The following DNAI4 variants were observed in gnomAD, a reference collection of about 807,000 sequenced individuals.
DNAI4 encodes WD repeat domain 78.
DNAI4 carries 85 observed loss-of-function variants against 105.8 expected under a neutral mutation model. The ratio of observed to expected loss-of-function variants is 0.80; its 90% CI spans 0.67 to 0.96. DNAI4 has a LOEUF of 0.96. Among genes scored for constraint, DNAI4 ranks in the 40% least tolerant of loss-of-function variants. The pLI, the probability that DNAI4 is intolerant of heterozygous loss-of-function variation, is 0.00. For synonymous variants in DNAI4, 352 were observed against 331.5 expected (o/e 1.06, Z -0.67); for missense variants, 1,014 against 1,005.6 (o/e 1.01, Z -0.11).
intron 16 of DNAI4, among the ~76,000 whole-genome samples, chr1:66,820,083 A>T (rs1274841838): frequency 6.6e-6 from 1 of 152,150 alleles, no homozygotes; most frequent in Non-Finnish European, 1.5e-5. Context: ...TGTGTATCTT[A>T]GGCAAGTTTC....
intron 1 of DNAI4, among the ~76,000 whole-genome samples, chr1:66,923,989 C>T (rs904111753): frequency 6.6e-6 from 1 of 152,114 alleles, no homozygotes; most frequent in African/African-American, 2.4e-5. Flanking sequence ...CAATAAAATA[C>T]CTCTACTACA....
chr1:66,853,161 C>T (rs907938456), intron 7 of DNAI4, among the ~76,000 whole-genome samples: 4 of 152,186 alleles, frequency 2.6e-5, no homozygotes, highest in Non-Finnish European at 5.9e-5. Flanking sequence ...GGTTATTATT[C>T]TCCTAACAAG....
At chr1:66,836,322 A>T (rs1166721256) in intron 10 of DNAI4, among the ~76,000 whole-genome samples, 1 of 132,600 alleles carries the variant, frequency 7.5e-6, no homozygotes, top group Non-Finnish European at 1.7e-5. Flanking sequence ...GAAAGAAAGA[A>T]AGAAGGAAAG....
chr1:66,822,262 CA>C (rs1201335509), intron 16 of DNAI4, 98 bp downstream of exon 16: 2 of 1,096,432 alleles, frequency 1.8e-6, no homozygotes, highest in African/African-American at 3.2e-5. Flanking sequence ...TATTATATTA[CA>C]CCTAAGATAT....
At chr1:66,838,686 G>A (rs1223304542) in intron 9 of DNAI4, among the ~76,000 whole-genome samples, 5 of 152,236 alleles carry the variant, frequency 3.3e-5, no homozygotes, top group Non-Finnish European at 4.4e-5. Context: ...TCAGGCCAAC[G>A]TAATCTCTCC....
intron 1 of DNAI4, among the ~76,000 whole-genome samples, chr1:66,914,578 ATAATG>A (rs1649924559): frequency 1.3e-5 from 2 of 152,152 alleles, no homozygotes; most frequent in African/African-American, 4.8e-5. Context: ...TCCGCATCTT[ATAATG>A]TAAATTTTGC....
intron 11 of DNAI4, among the ~76,000 whole-genome samples, chr1:66,834,416 A>G (rs1645937926): frequency 1.3e-5 from 2 of 152,136 alleles, no homozygotes; most frequent in Non-Finnish European, 2.9e-5. Context: ...TAACAGGAAT[A>G]CAAAAGCAAA....
chr1:66,854,082 G>A (rs1462517250), intron 7 of DNAI4, among the ~76,000 whole-genome samples: 3 of 152,070 alleles, frequency 2.0e-5, no homozygotes, highest in South Asian at 4.2e-4. Context: ...CAATAAACAG[G>A]TGGACACCAA....
At chr1:66,877,603 A>G (rs1486949694) in intron 4 of DNAI4, among the ~76,000 whole-genome samples, 2 of 152,152 alleles carry the variant, frequency 1.3e-5, no homozygotes, top group African/African-American at 4.8e-5. Context: ...TACAACTACA[A>G]TATTGCTATT....
At chr1:66,861,585 G>C (rs1049387480) in intron 7 of DNAI4, among the ~76,000 whole-genome samples, 4 of 151,976 alleles carry the variant, frequency 2.6e-5, no homozygotes, top group Non-Finnish European at 4.4e-5. Context: ...TGTAATGTAG[G>C]GTTTCTCAAC....
chr1:66,893,398 C>A lies in DNAI4; in HGVS notation c.361G>T (p.Gly121Ter). The change falls in exon 3 of 17, where the codon GGA (glycine) becomes TGA (stop). Residue 121 changes from glycine (G) to a stop codon, truncating the protein, a stop_gained. Coordinates refer to ENST00000371026, the MANE Select transcript of DNAI4 (RefSeq NM_024763.5). LOFTEE classifies it high-confidence loss of function. ...IKTTQVFDIN[G>*]TDVTPRPLYH... The stretch of plus-strand genomic sequence containing the variant: ...AGAGGTCGGGGAGTAACATCAGTTC[C>A]ATTTATGTCAAATACCTGTTAAAAA... 1 of 1,555,078 alleles carries A rather than the reference C, an allele frequency of 6.4e-7. No individual in the cohort carries two copies. Among genetic ancestry groups the A allele is most frequent in the Non-Finnish European group, 8.7e-7 (1 of 1,152,354 alleles).
At chr1:66,847,066 A>C (rs1203647099) in intron 8 of DNAI4, among the ~76,000 whole-genome samples, 1 of 152,194 alleles carries the variant, frequency 6.6e-6, no homozygotes, top group African/African-American at 2.4e-5. Flanking sequence ...TGAATGCAGG[A>C]ATAAGGGAGA....
At chr1:66,895,260 C>G (rs1355907686) in intron 2 of DNAI4, among the ~76,000 whole-genome samples, 1 of 152,212 alleles carries the variant, frequency 6.6e-6, no homozygotes, top group Non-Finnish European at 1.5e-5. Flanking sequence ...AGAAGGACTG[C>G]TTGAGGCTAG....
intron 4 of DNAI4, 41 bp downstream of exon 4, chr1:66,891,113 T>A: frequency 1.4e-6 from 2 of 1,395,684 alleles, no homozygotes; most frequent in Middle Eastern, 3.5e-4. Context: ...ATTGACTAAA[T>A]AACGGACTGT....
chr1:66,905,300 A>G lies in DNAI4; in HGVS notation c.246T>C (p.Thr82=). Residue 82 remains threonine (T), a synonymous_variant, in exon 2 of 17, where the codon ACT becomes ACC. Coordinates refer to ENST00000371026, the MANE Select transcript of DNAI4 (RefSeq NM_024763.5). ...TMKATSVKGY[T]GANQSRMAVS... ...CAGCCATTCTGCTTTGATTTGCACCAGTATATCCTTTCACTGAAGTTGCTT... is the reference window on the plus strand; with the variant it reads ...CAGCCATTCTGCTTTGATTTGCACCGGTATATCCTTTCACTGAAGTTGCTT... The G allele has an allele frequency of 6.4e-7, 1 of 1,554,336 alleles. No homozygotes were observed.
At position 66,899,982 on chromosome 1, in the gene DNAI4, C is replaced by T. The variant is rs143682614; in HGVS notation, c.345+5219G>A. On this transcript the variant is annotated intron_variant, in intron 2 of 16. Coordinates refer to ENST00000371026, the MANE Select transcript of DNAI4 (RefSeq NM_024763.5). ...TATTGCTTTGTAACTTTTGAAACAG[C>T]GAAGTGTGAATCATCCTACTTTGCT... 1.9e-3 allele frequency among the ~76,000 whole-genome samples: 295 copies of T among 152,290 alleles called. 1 individual carries two copies. Among genetic ancestry groups the T allele is most frequent in the African/African-American group, 6.4e-3 (268 of 41,556 alleles).
At chr1:66,899,136 T>C (rs1648588302) in intron 2 of DNAI4, among the ~76,000 whole-genome samples, 1 of 152,178 alleles carries the variant, frequency 6.6e-6, no homozygotes, top group South Asian at 2.1e-4. Context: ...AGGAGTAGGA[T>C]TGCTGGTTCA....
In DNAI4 at chr1:66,893,261, T is replaced by C. The variant is rs748319473; in HGVS notation, c.498A>G (p.Thr166=). 1.2e-6 allele frequency: 2 copies of C among 1,602,166 alleles called. No individual in the cohort carries two copies. The highest frequency in any genetic ancestry group is 2.7e-5 in the African/African-American group (2 of 74,320). Reference sequence around the variant, plus strand: ...ACTGCCCTAACGTACTAGGATTTATTGTATTCTGATAAAGGCTATAGGAAG... The same window carrying C: ...ACTGCCCTAACGTACTAGGATTTATCGTATTCTGATAAAGGCTATAGGAAG... ...FISSYSLYQN[T]INPSTLGQFT... is the part of the protein sequence containing the mutation. The change falls in exon 3 of 17, where the codon ACA becomes ACG. Residue 166 remains threonine (T), a synonymous_variant. Coordinates refer to ENST00000371026, the MANE Select transcript of DNAI4 (RefSeq NM_024763.5).
Position 66,813,524 on chromosome 1 carries a change from T to A in DNAI4, c.*606A>T, listed in dbSNP as rs868278651. 6.6e-6 allele frequency: 1 copy of A among 152,342 alleles called. No homozygotes were observed. The highest frequency in any genetic ancestry group is 2.1e-4 in the South Asian group (1 of 4,830). 9.4% of individuals were successfully genotyped at this position (152,342 alleles called of 1,614,324 possible). ...TGTGTCCCAGATGAATTTTTCTCAC[T>A]GAATTGGGAATGTGATAAGCGCTGG... is the stretch of plus-strand genomic sequence containing the variant. On this transcript the variant is annotated 3_prime_UTR_variant, in exon 17 of 17. Coordinates refer to ENST00000371026, the MANE Select transcript of DNAI4 (RefSeq NM_024763.5).
Sources: allele counts gnomAD v4.1 joint callset (sites outside exome capture counted in the v4.1 genomes callset), GRCh38; gene constraint gnomAD v4.1.1; transcripts MANE v1.5; gene names NCBI Gene and HGNC (gene_info 2026-07-23, HGNC 2026-07-21).